SDHC: variants seen among roughly 807,000 people sequenced by gnomAD.
SDHC encodes succinate dehydrogenase complex subunit C, also known as succinate dehydrogenase cytochrome b560 subunit, mitochondrial.
Under a neutral mutation model 22.6 loss-of-function variants are expected in SDHC, and 11 were observed. The ratio of observed to expected loss-of-function variants is 0.49; its 90% CI spans 0.31 to 0.81. The LOEUF (loss-of-function observed/expected upper bound fraction) is 0.81. SDHC is among the 30% of genes least tolerant of loss of function. The pLI is 0.05. For synonymous variants in SDHC, 80 were observed against 77.8 expected (o/e 1.03, Z -0.15); for missense variants, 160 against 212.0 (o/e 0.75, Z 1.52).
At chr1:161,327,514 A>G (rs1360897558) in intron 2 of SDHC, among the ~76,000 whole-genome samples, 1 of 152,170 alleles carries the variant, frequency 6.6e-6, no homozygotes, top group Non-Finnish European at 1.5e-5. Flanking sequence ...GTGGGTTGTC[A>G]CTGGCAAGGA....
chr1:161,327,504 G>A (rs1277922687), intron 2 of SDHC, among the ~76,000 whole-genome samples: 2 of 152,184 alleles, frequency 1.3e-5, no homozygotes, highest in African/African-American at 4.8e-5. Context: ...TGTTAGAACC[G>A]TGGGTTGTCA....
chr1:161,317,913 C>T (rs1670687230), intron 1 of SDHC, among the ~76,000 whole-genome samples: 1 of 151,912 alleles, frequency 6.6e-6, no homozygotes, highest in Admixed American at 6.6e-5. Context: ...GTGGCTCATG[C>T]CTGTAATCCC....
At position 161,328,434 on chromosome 1, in the gene SDHC, A is replaced by C. The variant is rs1060501388; in HGVS notation, c.116A>C (p.Glu39Ala). ...GGAACCACGGCCAAAGAAGAGATGGAGCGGTTCTGGAATAAGAATATAGGT... is the reference window on the plus strand; with the variant it reads ...GGAACCACGGCCAAAGAAGAGATGGCGCGGTTCTGGAATAAGAATATAGGT... ...PLGTTAKEEM[E>A]RFWNKNIGSN... Residue 39 changes from glutamate (E) to alanine (A), a missense_variant, in exon 3 of 6, where the codon GAG (glutamate) becomes GCG (alanine). Coordinates refer to ENST00000367975, the MANE Select transcript of SDHC (RefSeq NM_003001.5). 1.2e-6 allele frequency: 2 copies of C among 1,613,790 alleles called. No individual in the cohort carries two copies. Among genetic ancestry groups the C allele is most frequent in the African/African-American group, 2.7e-5 (2 of 74,922 alleles).
At chr1:161,350,635 G>A (rs894070889) in intron 4 of SDHC, among the ~76,000 whole-genome samples, 8 of 152,048 alleles carry the variant, frequency 5.3e-5, no homozygotes, top group South Asian at 2.1e-4. Context: ...ACATAAGACC[G>A]GAATGTGATT....
chr1:161,346,331 A>G lies in SDHC; in HGVS notation c.241+5676A>G, dbSNP rs186175370. Among the ~76,000 whole-genome samples, 627 of 151,956 alleles carry G rather than the reference A, an allele frequency of 4.1e-3. 2 individuals are homozygous for G. Among genetic ancestry groups the G allele is most frequent in the African/African-American group, 0.015 (610 of 41,544 alleles). On this transcript the variant is annotated intron_variant, in intron 4 of 5. Coordinates refer to ENST00000367975, the MANE Select transcript of SDHC (RefSeq NM_003001.5). ...ACACATTAGAAATTAGATAGGGATA[A>G]TATATAGTCTCTACTCTCAAGGATA...
At chr1:161,359,328 A>G (rs985156704) in intron 5 of SDHC, among the ~76,000 whole-genome samples, 1 of 152,254 alleles carries the variant, frequency 6.6e-6, no homozygotes, top group Non-Finnish European at 1.5e-5. Context: ...TGGAATAAAA[A>G]AAATGAGAGA....
At chr1:161,331,295 T>C (rs979073308) in intron 3 of SDHC, among the ~76,000 whole-genome samples, 2 of 151,484 alleles carry the variant, frequency 1.3e-5, no homozygotes, top group African/African-American at 4.9e-5. Flanking sequence ...CCAGACAGAG[T>C]CTCACCCAGT....
chr1:161,352,217 CAT>C (rs1672120943), intron 4 of SDHC, among the ~76,000 whole-genome samples: 1 of 152,138 alleles, frequency 6.6e-6, no homozygotes, highest in Admixed American at 6.6e-5. Flanking sequence ...ATTTAATTCT[CAT>C]ATGTTTTTCA....
chr1:161,362,097 C>T (rs950766942), intron 5 of SDHC, among the ~76,000 whole-genome samples: 2 of 151,972 alleles, frequency 1.3e-5, no homozygotes, highest in African/African-American at 4.8e-5. Flanking sequence ...ATTCCTCCTA[C>T]CATCACCACA....
rs565480158 is a variant in SDHC at position 161,346,964 on chromosome 1, GA to G, written c.241+6318del. 9.2e-3 allele frequency among the ~76,000 whole-genome samples: 1,384 copies of G among 151,002 alleles called. 24 individuals carry two copies. The highest frequency in any genetic ancestry group is 0.031 in the African/African-American group (1,270 of 41,258). ...TATATTGTTTATGGAATAATAACAA[GA>G]AAAAAAAAGTGTACGTTTTCAGTAC... On this transcript the variant is annotated intron_variant, in intron 4 of 5. Transcript: ENST00000367975.
chr1:161,320,488 G>T (rs1670799613), intron 1 of SDHC, among the ~76,000 whole-genome samples: 1 of 151,976 alleles, frequency 6.6e-6, no homozygotes, highest in Non-Finnish European at 1.5e-5. Flanking sequence ...TCTTGTTTTG[G>T]ACTAAAAATG....
At chr1:161,327,982 A>C (rs1671122609) in intron 2 of SDHC, among the ~76,000 whole-genome samples, 1 of 151,502 alleles carries the variant, frequency 6.6e-6, no homozygotes, top group Non-Finnish European at 1.5e-5. Context: ...TCCCTAACAA[A>C]ACCTTTTCTA....
intron 4 of SDHC, among the ~76,000 whole-genome samples, chr1:161,350,260 C>G (rs894403046): frequency 1.3e-5 from 2 of 152,076 alleles, no homozygotes; most frequent in Non-Finnish European, 2.9e-5. Context: ...CAGTGTTGCC[C>G]AGGCTGGTCT....
At chr1:161,343,254 G>A (rs996735775) in intron 4 of SDHC, among the ~76,000 whole-genome samples, 3 of 152,196 alleles carry the variant, frequency 2.0e-5, no homozygotes, top group African/African-American at 7.2e-5. Context: ...GTGGTCATCA[G>A]TAGGGCCAGT....
intron 4 of SDHC, among the ~76,000 whole-genome samples, chr1:161,354,516 A>G (rs905129434): frequency 3.9e-5 from 6 of 152,018 alleles, no homozygotes; most frequent in Non-Finnish European, 7.4e-5. Flanking sequence ...ATCCCAAACT[A>G]TCAAATCAGG....
At chr1:161,325,488 T>C (rs1671017788) in intron 2 of SDHC, among the ~76,000 whole-genome samples, 1 of 152,144 alleles carries the variant, frequency 6.6e-6, no homozygotes, top group South Asian at 2.1e-4. Flanking sequence ...GAGACCAGCC[T>C]GGGCAACATG....
chr1:161,362,301 C>G, intron 5 of SDHC, 28 bp from the exon 6 acceptor site: 1 of 1,497,608 alleles, frequency 6.7e-7, no homozygotes, highest in Non-Finnish European at 9.2e-7. Flanking sequence ...ACTGAAATTC[C>G]TTTTTTTTTT....
rs4255402 is a variant in SDHC at position 161,323,403 on chromosome 1, C to T, written c.21-211C>T. On this transcript the variant is annotated intron_variant, in intron 1 of 5. Coordinates refer to ENST00000367975, the MANE Select transcript of SDHC (RefSeq NM_003001.5). ...TTGCATTATTTGTGTTTGATTAACT[C>T]TATTTTGCATTTTTAGGTAATATTT... Among the ~76,000 whole-genome samples the T allele has an allele frequency of 0.12, 17,843 of 152,116 alleles. 1,415 individuals carry two copies. The highest frequency in any genetic ancestry group is 0.22 in the African/African-American group (8,976 of 41,480).
At position 161,356,411 on chromosome 1, in the gene SDHC, C is replaced by T. The variant is rs116855731; in HGVS notation, c.242-266C>T. Among the ~76,000 whole-genome samples the T allele has an allele frequency of 3.7e-3, 567 of 152,166 alleles. 17 individuals carry two copies. In the East Asian group the frequency reaches 0.097, roughly 26 times the overall value. On this transcript the variant is annotated intron_variant, in intron 4 of 5. Coordinates refer to ENST00000367975, the MANE Select transcript of SDHC (RefSeq NM_003001.5). ...AAAATTAGCTGGGCGTTGTGGTGGG[C>T]ACCTGTCATCCCCACTACTCAGGAG...
Sources: allele counts gnomAD v4.1 joint callset (sites outside exome capture counted in the v4.1 genomes callset), GRCh38; gene constraint gnomAD v4.1.1; transcripts MANE v1.5; gene names NCBI Gene and HGNC (gene_info 2026-07-23, HGNC 2026-07-21).